The following ANGPT1 variants were observed in gnomAD, a reference collection of about 807,000 sequenced individuals.
ANGPT1 encodes angiopoietin 1, also known as angiopoietin-1.
Under a neutral mutation model 62.2 loss-of-function variants are expected in ANGPT1, and 17 were observed. The observed-to-expected ratio is 0.27, with a 90% CI of 0.19 to 0.41. The LOEUF is 0.41. ANGPT1 is among the 10% of genes least tolerant of loss of function. The probability of loss-of-function intolerance (pLI) is 1.00; values close to 1 mark genes in which losing one functional copy is unlikely to be tolerated. For missense variants in ANGPT1, 478 were observed against 594.9 expected (o/e 0.80, Z 2.04); for synonymous variants, 199 against 198.9 (o/e 1.00, Z 0.00).
rs545081659 is a variant in ANGPT1 at position 107,401,054 on chromosome 8, A to T, written c.298-53957T>A. Among the ~76,000 whole-genome samples, 3 of 152,298 alleles carry T rather than the reference A, an allele frequency of 2.0e-5. No homozygotes were observed. The South Asian group carries it at 6.2e-4, about 32-fold the overall frequency. ...CCTGCTGTTAAAACGTTACTTTTGG[A>T]AATGTGTTCCTGGTGCTCCTACAAT... On this transcript the variant is annotated intron_variant, in intron 1 of 8. Coordinates refer to ENST00000517746, the MANE Select transcript of ANGPT1 (RefSeq NM_001146.5).
At chr8:107,410,035 G>C (rs927774005) in intron 1 of ANGPT1, among the ~76,000 whole-genome samples, 4 of 152,100 alleles carry the variant, frequency 2.6e-5, no homozygotes, top group Admixed American at 2.6e-4. Context: ...TAATAGGAAA[G>C]TTATGCCAGA....
intron 1 of ANGPT1, among the ~76,000 whole-genome samples, chr8:107,355,904 T>A (rs956897571): frequency 6.6e-6 from 1 of 152,194 alleles, no homozygotes; most frequent in African/African-American, 2.4e-5. Context: ...ATAAGTTCCT[T>A]AAGCACAAGC....
rs761056065 is a variant in ANGPT1 at position 107,322,125 on chromosome 8, T to A, written c.579A>T (p.Leu193Phe). 3.7e-5 allele frequency: 59 copies of A among 1,606,680 alleles called. No homozygotes were observed. The highest frequency in any genetic ancestry group is 4.9e-5 in the Non-Finnish European group (57 of 1,174,794). ...CCATTTCTAAGATTTTATGTTCTAA[T>A]AAACTACAAGGAAGTGAAAATAAAA... is the stretch of plus-strand genomic sequence containing the variant. ...EILKIHEKNS[L>F]LEHKILEMEG... Residue 193 changes from leucine (L) to phenylalanine (F), a missense_variant, in exon 4 of 9, where the codon TTA becomes TTT. Physicochemically the swap from Leu to Phe is conservative, Grantham distance 22. Transcript: ENST00000517746.
intron 2 of ANGPT1, among the ~76,000 whole-genome samples, chr8:107,338,710 G>T (rs933782592): frequency 2.0e-5 from 3 of 152,170 alleles, no homozygotes; most frequent in African/African-American, 7.2e-5. Flanking sequence ...GGGGATAAAT[G>T]GTAGAGAATA....
chr8:107,315,414 A>G (rs556456813), intron 4 of ANGPT1, among the ~76,000 whole-genome samples: 1 of 152,248 alleles, frequency 6.6e-6, no homozygotes, highest in East Asian at 1.9e-4. Flanking sequence ...ATGCAGGTAT[A>G]TAATGATTTC....
intron 7 of ANGPT1, among the ~76,000 whole-genome samples, chr8:107,268,059 T>C (rs1195699151): frequency 6.6e-6 from 1 of 152,094 alleles, no homozygotes; most frequent in Admixed American, 6.6e-5. Context: ...TTTTCACTTT[T>C]CTGTTTCCCA....
intron 1 of ANGPT1, among the ~76,000 whole-genome samples, chr8:107,495,874 A>G (rs1813079622): frequency 6.6e-6 from 1 of 152,162 alleles, no homozygotes; most frequent in African/African-American, 2.4e-5. Context: ...CTACCTACTG[A>G]TTGCCTATTA....
chr8:107,442,691 G>C (rs995766556), intron 1 of ANGPT1, among the ~76,000 whole-genome samples: 3 of 152,120 alleles, frequency 2.0e-5, no homozygotes, highest in Admixed American at 1.3e-4. Context: ...AAATATAGTA[G>C]TTTTGGTTTA....
At chr8:107,301,488 T>A (rs1465262470) in intron 5 of ANGPT1, among the ~76,000 whole-genome samples, 1 of 151,882 alleles carries the variant, frequency 6.6e-6, no homozygotes, top group African/African-American at 2.4e-5. Context: ...TAAGCTTAAG[T>A]GTGATTTTAG....
At chr8:107,349,404 T>C (rs1356991911) in intron 1 of ANGPT1, among the ~76,000 whole-genome samples, 2 of 152,162 alleles carry the variant, frequency 1.3e-5, no homozygotes, top group East Asian at 3.9e-4. Flanking sequence ...GATCAATGTT[T>C]AGCAGAAGAA....
intron 1 of ANGPT1, among the ~76,000 whole-genome samples, chr8:107,395,260 C>T (rs770643211): frequency 6.6e-6 from 1 of 152,048 alleles, no homozygotes; most frequent in Non-Finnish European, 1.5e-5. Flanking sequence ...ATGATTTCTT[C>T]CATTTCTATG....
chr8:107,393,499 T>C (rs540598266), intron 1 of ANGPT1, among the ~76,000 whole-genome samples: 1 of 152,278 alleles, frequency 6.6e-6, no homozygotes, highest in South Asian at 2.1e-4. Flanking sequence ...ATGTGAAATA[T>C]GATCTTTTTA....
chr8:107,251,752 G>A lies in ANGPT1; in HGVS notation c.*103C>T. The A allele has an allele frequency of 7.2e-7, 1 of 1,384,772 alleles. No individual in the cohort carries two copies. The highest frequency in any genetic ancestry group is 1.3e-5 in the South Asian group (1 of 74,392). The allele number at this position is 1,384,772 out of a possible 1,614,324, so 85.8% of individuals were successfully genotyped here. On this transcript the variant is annotated 3_prime_UTR_variant, in exon 9 of 9. Coordinates refer to ENST00000517746, the MANE Select transcript of ANGPT1 (RefSeq NM_001146.5). The stretch of plus-strand genomic sequence containing the variant: ...ACATAACTACCACTTATTGCTGGAA[G>A]GGAGACAATATTGTTTGCTTCTGAA...
intron 1 of ANGPT1, among the ~76,000 whole-genome samples, chr8:107,455,104 C>A (rs994561586): frequency 2.6e-5 from 4 of 151,996 alleles, no homozygotes; most frequent in African/African-American, 9.7e-5. Flanking sequence ...AGTCTCTTTC[C>A]CGCTTACTGA....
At chr8:107,490,546 G>A (rs1387332888) in intron 1 of ANGPT1, among the ~76,000 whole-genome samples, 3 of 152,194 alleles carry the variant, frequency 2.0e-5, no homozygotes, top group Non-Finnish European at 4.4e-5. Context: ...CAACTGGCAT[G>A]AACCTGAAGA....
In ANGPT1 at chr8:107,493,930, AAAAAAT is replaced by A. The variant is rs1813029808; in HGVS notation, c.297+3326_297+3331del. 5.3e-5 allele frequency among the ~76,000 whole-genome samples: 8 copies of A among 150,752 alleles called. No individual in the cohort carries two copies. In the South Asian group the frequency reaches 1.7e-3, roughly 32 times the overall value. Reference sequence around the variant, plus strand: ...ATGCAAATAGGGGACATCCTTAACCAAAAAATGTTGTCAATAGAAAAACAGCTAAAT... The same window carrying A: ...ATGCAAATAGGGGACATCCTTAACCAGTTGTCAATAGAAAAACAGCTAAAT... On this transcript the variant is annotated intron_variant, in intron 1 of 8. Coordinates refer to ENST00000517746, the MANE Select transcript of ANGPT1 (RefSeq NM_001146.5).
At chr8:107,472,251 G>A (rs1227872387) in intron 1 of ANGPT1, among the ~76,000 whole-genome samples, 1 of 151,888 alleles carries the variant, frequency 6.6e-6, no homozygotes, top group Non-Finnish European at 1.5e-5. Flanking sequence ...TGATTACTTG[G>A]CTTGAGGTCA....
At chr8:107,497,200 T>A (rs1363697990) in intron 1 of ANGPT1, 62 bp downstream of exon 1, 2 of 1,544,134 alleles carry the variant, frequency 1.3e-6, no homozygotes, top group African/African-American at 1.4e-5. Context: ...GAACTTTAAG[T>A]TAGCTGCAGT....
chr8:107,275,195 T>G (rs1813834916), intron 7 of ANGPT1, among the ~76,000 whole-genome samples: 1 of 152,126 alleles, frequency 6.6e-6, no homozygotes, highest in South Asian at 2.1e-4. Context: ...AAAATTGATG[T>G]GAGAAAAGGC....
Sources: allele counts gnomAD v4.1 joint callset (sites outside exome capture counted in the v4.1 genomes callset), GRCh38; gene constraint gnomAD v4.1.1; transcripts MANE v1.5; gene names NCBI Gene and HGNC (gene_info 2026-07-23, HGNC 2026-07-21).